HIVEP1: variants seen among roughly 807,000 people sequenced by gnomAD.
HIVEP1 encodes the protein HIVEP zinc finger 1, also known as zinc finger protein 40.
A neutral mutation model predicts 180.0 loss-of-function variants in HIVEP1; 36 were observed. The ratio of observed to expected loss-of-function variants is 0.20; its 90% CI spans 0.15 to 0.26. The LOEUF (loss-of-function observed/expected upper bound fraction) is 0.26, where lower values mean the gene tolerates loss of function less well. Ranked by LOEUF, HIVEP1 falls within the 10% of genes least tolerant of loss-of-function variation. The probability of loss-of-function intolerance (pLI) is 1.00; values close to 1 mark genes in which losing one functional copy is unlikely to be tolerated. For missense variants in HIVEP1, 3,143 were observed against 3,268.7 expected (o/e 0.96, Z 0.94); for synonymous variants, 1,239 against 1,239.0 (o/e 1.00, Z 0.00).
chr6:12,098,872 G>A (rs1013258062), intron 3 of HIVEP1, among the ~76,000 whole-genome samples: 3 of 152,182 alleles, frequency 2.0e-5, no homozygotes, highest in Admixed American at 1.3e-4. Flanking sequence ...ATTTTGTGGA[G>A]CTATGCTATA....
chr6:12,066,074 G>T (rs1456726491), intron 2 of HIVEP1, among the ~76,000 whole-genome samples: 1 of 152,126 alleles, frequency 6.6e-6, no homozygotes, highest in Admixed American at 6.5e-5. Flanking sequence ...AGGCAGCAGT[G>T]GGGGAAGGCA....
intron 2 of HIVEP1, among the ~76,000 whole-genome samples, chr6:12,061,145 G>A (rs566652332): frequency 1.3e-5 from 2 of 152,144 alleles, no homozygotes; most frequent in South Asian, 2.1e-4. Flanking sequence ...TGGGTGTGAC[G>A]GATGTGTTTG....
At chr6:12,013,210 C>T (rs1040483333) in intron 1 of HIVEP1, among the ~76,000 whole-genome samples, 15 of 16,606 alleles carry the variant, frequency 9.0e-4, no homozygotes, top group African/African-American at 1.3e-3. Flanking sequence ...ACTTCCATTC[C>T]CCCCCTCCTC....
chr6:12,159,141 G>A (rs909980858), intron 7 of HIVEP1, among the ~76,000 whole-genome samples: 11 of 152,050 alleles, frequency 7.2e-5, no homozygotes, highest in African/African-American at 1.9e-4. Flanking sequence ...CTGGGACCTC[G>A]GCTTATTGAT....
chr6:12,083,089 C>T (rs547583495), intron 2 of HIVEP1, among the ~76,000 whole-genome samples: 1 of 152,278 alleles, frequency 6.6e-6, no homozygotes, highest in South Asian at 2.1e-4. Flanking sequence ...TGTTAATGCA[C>T]TACCTTCAGA....
intron 3 of HIVEP1, among the ~76,000 whole-genome samples, chr6:12,097,622 T>C (rs1773856847): frequency 6.6e-6 from 1 of 152,174 alleles, no homozygotes; most frequent in South Asian, 2.1e-4. Context: ...GAGCTTGAAT[T>C]ACTGGGAAAT....
chr6:12,025,716 CTCT>C (rs1172485508), intron 2 of HIVEP1, among the ~76,000 whole-genome samples: 13 of 152,160 alleles, frequency 8.5e-5, no homozygotes, highest in Non-Finnish European at 1.8e-4. Context: ...CGTATGGGCA[CTCT>C]TCTTCCACAC....
At chr6:12,031,339 A>G (rs576202245) in intron 2 of HIVEP1, among the ~76,000 whole-genome samples, 1 of 152,322 alleles carries the variant, frequency 6.6e-6, no homozygotes, top group African/African-American at 2.4e-5. Context: ...ACACATGTGC[A>G]GAGTCTCTGG....
chr6:12,011,504 C>T (rs1747044862), upstream of HIVEP1, among the ~76,000 whole-genome samples: 1 of 151,434 alleles, frequency 6.6e-6, no homozygotes, highest in African/African-American at 2.4e-5. Context: ...CCCTCCGCCC[C>T]CGCCGTGTGC....
chr6:12,187,448 G>A, the HIVEP1 span, among the ~76,000 whole-genome samples: 3,472 of 151,970 alleles, frequency 0.023, 132 homozygotes, highest in African/African-American at 0.071. Context: ...CATCCCTTGC[G>A]TCCTCTCTTG....
At chr6:12,048,919 C>T (rs961722689) in intron 2 of HIVEP1, among the ~76,000 whole-genome samples, 59 of 152,266 alleles carry the variant, frequency 3.9e-4, no homozygotes, top group African/African-American at 1.3e-3. Context: ...CTACTGGGCA[C>T]ACTGGCTGCT....
At chr6:12,182,365 TCTTCCTGTCGTG>T in the HIVEP1 span, among the ~76,000 whole-genome samples, 1 of 152,216 alleles carries the variant, frequency 6.6e-6, no homozygotes, top group Non-Finnish European at 1.5e-5. Flanking sequence ...AGAAATTGCT[TCTTCCTGTCGTG>T]CCTCAGGGAT....
At position 12,121,941 on chromosome 6, in the gene HIVEP1, A is replaced by G. The variant is rs2228210; in HGVS notation, c.2146A>G (p.Thr716Ala). ...SNGPSAALVTTSTPSALPTGE... is the reference protein window; with the variant it reads ...SNGPSAALVTASTPSALPTGE... ...CGGACCCTCTGCAGCTCTTGTCACC[A>G]CGTCAACACCCTCTGCTTTGCCCAC... The change falls in exon 4 of 9, where the codon ACG becomes GCG. Residue 716 changes from threonine to alanine, a missense_variant. This residue lies in a region of HIVEP1 where 365 missense variants were observed against 344.4 expected (regional missense o/e 1.06). Coordinates refer to ENST00000379388, the MANE Select transcript of HIVEP1 (RefSeq NM_002114.4). This position sits in a 1 kb window ranked among gnomAD's most constrained non-coding sequence, Gnocchi z 5.3. 527,188 of 1,613,794 alleles carry G rather than the reference A, an allele frequency of 0.33. 90,091 individuals carry two copies. Among genetic ancestry groups the G allele is most frequent in the Non-Finnish European group, 0.35 (417,406 of 1,179,846 alleles).
In HIVEP1 at chr6:12,125,596, C is replaced by G. The variant is rs1244926564; in HGVS notation, c.5801C>G (p.Pro1934Arg). Residue 1934 changes from proline (P) to arginine (R), a missense_variant, in exon 4 of 9, where the codon CCT (proline) becomes CGT (arginine). Around this residue, in one of 12 missense-constraint regions of HIVEP1, gnomAD observed 1,357 missense variants for 1,260.5 expected, o/e 1.08. Coordinates refer to ENST00000379388, the MANE Select transcript of HIVEP1 (RefSeq NM_002114.4). ...AAGGACACCCAGCAGCTGGCTTTCCCTAGCCTGAAAACTACAACCAACTTT... is the reference window on the plus strand; with the variant it reads ...AAGGACACCCAGCAGCTGGCTTTCCGTAGCCTGAAAACTACAACCAACTTT... Reference protein sequence around the residue: ...NIKDTQQLAFPSLKTTTNFTW... With the variant: ...NIKDTQQLAFRSLKTTTNFTW... The G allele has an allele frequency of 4.3e-6, 7 of 1,614,094 alleles. No individual in the cohort carries two copies. The East Asian group carries it at 1.3e-4, about 31-fold the overall frequency.
chr6:12,174,797 T>C, the HIVEP1 span, among the ~76,000 whole-genome samples: 1 of 151,216 alleles, frequency 6.6e-6, no homozygotes, highest in East Asian at 1.9e-4. Context: ...ACAACTTTTG[T>C]TGTTGTTGTT....
intron 4 of HIVEP1, chr6:12,129,531 G>A: frequency 4.8e-6 from 3 of 620,222 alleles, no homozygotes; most frequent in Non-Finnish European, 9.1e-6. Flanking sequence ...GGGTGTCAGT[G>A]AACTGTGGTG....
intron 2 of HIVEP1, chr6:12,037,836 G>A (rs1388029236): frequency 6.0e-5 from 25 of 415,334 alleles, no homozygotes; most frequent in East Asian, 3.9e-4. Context: ...TTAGCGTCCC[G>A]AATAGCTTGG....
In HIVEP1 at chr6:12,161,650, G is replaced by C. The variant is rs200863826; in HGVS notation, c.6699G>C (p.Arg2233Ser). The C allele has an allele frequency of 1.2e-3, 1,858 of 1,614,146 alleles. 1 individual carries two copies. Among genetic ancestry groups the C allele is most frequent in the Non-Finnish European group, 1.4e-3 (1,711 of 1,180,034 alleles). Residue 2233 changes from arginine to serine, a missense_variant, in exon 8 of 9, where the codon AGG (arginine) becomes AGC (serine). Physicochemically the swap from Arg to Ser is moderately radical, Grantham distance 110. Transcript: ENST00000379388. Reference protein sequence around the residue: ...QDPVSTDEDVRITDCFSGVHT... With the variant: ...QDPVSTDEDVSITDCFSGVHT... ...CTGTGAGTACTGACGAGGATGTCAG[G>C]ATCACCGATTGCTTTTCTGGGGTAC... is the stretch of plus-strand genomic sequence containing the variant.
chr6:12,031,976 TCTTA>T (rs1768976887), intron 2 of HIVEP1, among the ~76,000 whole-genome samples: 1 of 152,142 alleles, frequency 6.6e-6, no homozygotes. Context: ...TTGACAGGCC[TCTTA>T]CTTAAGACTG....
Sources: gnomAD v4.1 joint callset for allele counts (sites outside exome capture counted in the v4.1 genomes callset) on GRCh38, gnomAD v4.1.1 for gene constraint, gnomAD v4.1.1 regional missense constraint, Gnocchi (gnomAD v3.1) non-coding constraint, MANE v1.5 for transcripts, NCBI Gene and HGNC (gene_info 2026-07-23, HGNC 2026-07-21) for gene names.